The following PCDH15 variants were observed in gnomAD, a reference collection of about 807,000 sequenced individuals.
The protein encoded by PCDH15 is protocadherin related 15.
In PCDH15, 129 loss-of-function variants were observed where a neutral mutation model predicts 178.5. That is an observed-to-expected ratio of 0.72 (90% CI 0.63 to 0.84). PCDH15 has a LOEUF of 0.84. PCDH15 is among the 40% of genes least tolerant of loss of function. PCDH15 has a pLI of 0.00. For missense variants in PCDH15, 2,230 were observed against 2,099.9 expected, an observed-to-expected ratio of 1.06 and a Z score of -1.21; for synonymous variants, 800 against 732.0, an observed-to-expected ratio of 1.09 and a Z score of -1.50.
At chr10:55,292,531 G>A (rs573004777) in intron 1 of PCDH15, among the ~76,000 whole-genome samples, 117 of 151,996 alleles carry the variant, frequency 7.7e-4, no homozygotes, top group Admixed American at 2.4e-3. Flanking sequence ...ACAGGTGCTC[G>A]CCACCACGAC....
At chr10:55,590,587 CA>C in intron 2 of PCDH15, among the ~76,000 whole-genome samples, 1 of 152,134 alleles carries the variant, frequency 6.6e-6, no homozygotes, top group South Asian at 2.1e-4. Flanking sequence ...AGTAAAAAGA[CA>C]AAAACAGATG....
intron 8 of PCDH15, among the ~76,000 whole-genome samples, chr10:54,260,239 G>A (rs192397923): frequency 2.0e-5 from 3 of 152,080 alleles, no homozygotes; most frequent in East Asian, 3.9e-4. Flanking sequence ...GATTTTCCAT[G>A]TGTTCTTTCT....
intron 25 of PCDH15, chr10:53,905,057 C>T (rs2133691654): frequency 2.3e-6 from 1 of 430,554 alleles, no homozygotes; most frequent in Admixed American, 2.4e-5. Flanking sequence ...CCAACCCTAA[C>T]TTCATATCTG....
intron 7 of PCDH15, among the ~76,000 whole-genome samples, chr10:54,324,037 C>T (rs534411556): frequency 6.6e-6 from 1 of 152,150 alleles, no homozygotes; most frequent in East Asian, 1.9e-4. Context: ...TCCCATAAAC[C>T]ATCACCTGCT....
intron 26 of PCDH15, among the ~76,000 whole-genome samples, chr10:53,875,511 A>C (rs895740483): frequency 1.3e-5 from 2 of 152,058 alleles, no homozygotes; most frequent in Non-Finnish European, 2.9e-5. Context: ...CTCTATAATC[A>C]AACATTTATG....
At chr10:54,528,102 T>C (rs1034219871) in intron 2 of PCDH15, among the ~76,000 whole-genome samples, 9 of 151,992 alleles carry the variant, frequency 5.9e-5, no homozygotes, top group African/African-American at 2.2e-4. Context: ...TACTCAAATC[T>C]TACTGAGAAA....
chr10:54,445,948 A>G (rs1369463727), intron 3 of PCDH15, among the ~76,000 whole-genome samples: 1 of 151,546 alleles, frequency 6.6e-6, no homozygotes, highest in Non-Finnish European at 1.5e-5. Flanking sequence ...TTTAGATAAT[A>G]TATTTTACTA....
intron 25 of PCDH15, among the ~76,000 whole-genome samples, chr10:53,937,197 C>G (rs1333588126): frequency 6.6e-6 from 1 of 152,116 alleles, no homozygotes; most frequent in Non-Finnish European, 1.5e-5. Context: ...GTAATGGGAG[C>G]TAGTTGTATT....
chr10:54,386,276 A>AG, intron 3 of PCDH15, among the ~76,000 whole-genome samples: 1 of 151,986 alleles, frequency 6.6e-6, no homozygotes, highest in East Asian at 1.9e-4. Flanking sequence ...AAAAAAAAAA[A>AG]AATCCCAAAA....
chr10:54,518,558 G>A (rs2082476355), intron 3 of PCDH15, among the ~76,000 whole-genome samples: 1 of 152,080 alleles, frequency 6.6e-6, no homozygotes, highest in African/African-American at 2.4e-5. Flanking sequence ...CTGAAATTGT[G>A]GCAATAATCA....
chr10:54,552,455 T>C (rs2086723258), intron 2 of PCDH15, among the ~76,000 whole-genome samples: 1 of 152,182 alleles, frequency 6.6e-6, no homozygotes, highest in South Asian at 2.1e-4. Context: ...TTAAATGGCA[T>C]TATTAATGAA....
At chr10:55,155,679 A>G (rs1012431809) in intron 2 of PCDH15, among the ~76,000 whole-genome samples, 2 of 152,004 alleles carry the variant, frequency 1.3e-5, no homozygotes, top group African/African-American at 4.8e-5. Context: ...ACAGAAACAT[A>G]ATTATTGGGG....
intron 1 of PCDH15, among the ~76,000 whole-genome samples, chr10:55,168,690 A>G (rs1839256812): frequency 6.6e-6 from 1 of 152,210 alleles, no homozygotes; most frequent in Admixed American, 6.5e-5. Context: ...TTTAAAAATT[A>G]ACACTTAAAG....
At chr10:55,073,220 T>G (rs1306759106) in intron 2 of PCDH15, among the ~76,000 whole-genome samples, 1 of 151,928 alleles carries the variant, frequency 6.6e-6, no homozygotes, top group East Asian at 1.9e-4. Context: ...ACCACTCCTA[T>G]TCAACATAGT....
intron 2 of PCDH15, among the ~76,000 whole-genome samples, chr10:55,024,032 A>T (rs375638940): frequency 1.4e-5 from 2 of 145,476 alleles, no homozygotes; most frequent in East Asian, 2.0e-4. Flanking sequence ...TATATATAAA[A>T]TCTCTTTCTC....
At chr10:54,592,049 A>C (rs1209736945) in intron 2 of PCDH15, among the ~76,000 whole-genome samples, 1 of 152,142 alleles carries the variant, frequency 6.6e-6, no homozygotes, top group East Asian at 1.9e-4. Flanking sequence ...CCCAAGGAGA[A>C]GCAAATATCA....
intron 2 of PCDH15, among the ~76,000 whole-genome samples, chr10:54,974,276 G>T (rs1262447250): frequency 3.3e-5 from 5 of 151,798 alleles, no homozygotes; most frequent in African/African-American, 1.2e-4. Flanking sequence ...CCTCCACTAA[G>T]AAAACTCCTT....
chr10:54,295,683 T>C (rs1032811544), intron 8 of PCDH15, among the ~76,000 whole-genome samples: 1 of 152,158 alleles, frequency 6.6e-6, no homozygotes, highest in Non-Finnish European at 1.5e-5. Context: ...ATTCTTGAAG[T>C]CAGCAAGACC....
At chr10:54,097,863 G>A (rs1339612068) in intron 15 of PCDH15, among the ~76,000 whole-genome samples, 1 of 152,134 alleles carries the variant, frequency 6.6e-6, no homozygotes, top group Admixed American at 6.5e-5. Context: ...GGAGGGGAGG[G>A]CATGGGACAT....
Sources: gnomAD v4.1 joint callset for allele counts (sites outside exome capture counted in the v4.1 genomes callset) on GRCh38, gnomAD v4.1.1 for gene constraint, MANE v1.5 for transcripts, NCBI Gene and HGNC (gene_info 2026-07-23, HGNC 2026-07-21) for gene names.